SCFD2: variants seen among roughly 807,000 people sequenced by gnomAD.
The protein encoded by SCFD2 is sec1 family domain-containing protein 2.
A neutral mutation model predicts 58.9 loss-of-function variants in SCFD2; 54 were observed. The observed-to-expected ratio is 0.92, with a 90% CI of 0.74 to 1.15. The LOEUF (loss-of-function observed/expected upper bound fraction) is 1.15, where lower values mean the gene tolerates loss of function less well. Among genes scored for constraint, SCFD2 ranks in the 50% most tolerant of loss-of-function variants. The pLI is 0.00. For missense variants in SCFD2, 805 were observed against 836.6 expected, an observed-to-expected ratio of 0.96 and a Z score of 0.47; for synonymous variants, 321 against 335.9, an observed-to-expected ratio of 0.96 and a Z score of 0.49.
intron 3 of SCFD2, among the ~76,000 whole-genome samples, chr4:53,295,053 A>G (rs986101462): frequency 6.6e-6 from 1 of 152,184 alleles, no homozygotes; most frequent in African/African-American, 2.4e-5. Flanking sequence ...CCTGTAGTAT[A>G]GTTTGAAGTC....
chr4:53,101,021 C>T (rs1302027211), intron 5 of SCFD2, among the ~76,000 whole-genome samples: 5 of 152,128 alleles, frequency 3.3e-5, no homozygotes, highest in East Asian at 3.9e-4. Context: ...ACTTCAAATG[C>T]GTCGATGGAG....
intron 5 of SCFD2, among the ~76,000 whole-genome samples, chr4:53,005,108 G>A (rs1244904804): frequency 2.0e-5 from 3 of 152,202 alleles, no homozygotes; most frequent in Admixed American, 1.3e-4. Flanking sequence ...ATGTTAGCCA[G>A]GCTGGTCTCG....
At chr4:52,882,471 G>A (rs1718640731) in intron 8 of SCFD2, among the ~76,000 whole-genome samples, 1 of 152,180 alleles carries the variant, frequency 6.6e-6, no homozygotes, top group African/African-American at 2.4e-5. Context: ...TTGTTCCTGG[G>A]TATGTCTGTG....
intron 5 of SCFD2, among the ~76,000 whole-genome samples, chr4:53,072,638 T>C (rs900751431): frequency 2.0e-5 from 3 of 152,092 alleles, no homozygotes; most frequent in African/African-American, 7.2e-5. Context: ...AACTAGTTTT[T>C]TGTGCCCTAT....
At chr4:53,193,488 A>G (rs1158405275) in intron 4 of SCFD2, among the ~76,000 whole-genome samples, 1 of 152,200 alleles carries the variant, frequency 6.6e-6, no homozygotes, top group Non-Finnish European at 1.5e-5. Flanking sequence ...GTAATTTGCT[A>G]TTGAAAATTA....
At chr4:53,290,166 G>T (rs1409084893) in intron 3 of SCFD2, among the ~76,000 whole-genome samples, 1 of 152,062 alleles carries the variant, frequency 6.6e-6, no homozygotes, top group Non-Finnish European at 1.5e-5. Flanking sequence ...AACAGCAACA[G>T]AATAATATTC....
intron 4 of SCFD2, among the ~76,000 whole-genome samples, chr4:53,254,071 AAC>A (rs1283769682): frequency 1.3e-5 from 2 of 152,120 alleles, no homozygotes; most frequent in African/African-American, 2.4e-5. Context: ...AGAGGGGAAC[AAC>A]ACACACTGGG....
intron 5 of SCFD2, among the ~76,000 whole-genome samples, chr4:53,143,791 A>AACACACAC (rs1553880497): frequency 1.7e-5 from 1 of 57,442 alleles, no homozygotes; most frequent in South Asian, 9.3e-4. Context: ...CATACACCTA[A>AACACACAC]ACATACACAC....
intron 3 of SCFD2, among the ~76,000 whole-genome samples, chr4:53,293,954 C>T (rs1037181657): frequency 1.3e-5 from 2 of 150,220 alleles, no homozygotes; most frequent in Non-Finnish European, 3.0e-5. Flanking sequence ...TTGTTCAACT[C>T]CGACTTATGA....
At chr4:52,978,921 T>C (rs1484779520) in intron 5 of SCFD2, among the ~76,000 whole-genome samples, 1 of 152,090 alleles carries the variant, frequency 6.6e-6, no homozygotes, top group South Asian at 2.1e-4. Context: ...CCTGTTGGAC[T>C]GGGTTTGTTA....
intron 3 of SCFD2, among the ~76,000 whole-genome samples, chr4:53,312,539 C>T (rs1389432848): frequency 9.9e-5 from 15 of 152,188 alleles, no homozygotes; most frequent in Non-Finnish European, 1.5e-5. Flanking sequence ...AGTTATTTCA[C>T]TTTTCTTATC....
At chr4:53,149,511 T>A (rs1726443986) in intron 4 of SCFD2, among the ~76,000 whole-genome samples, 1 of 152,220 alleles carries the variant, frequency 6.6e-6, no homozygotes, top group Non-Finnish European at 1.5e-5. Context: ...AGACAAATCT[T>A]CCTTAAGGAA....
At chr4:53,097,691 A>C (rs1449225886) in intron 5 of SCFD2, among the ~76,000 whole-genome samples, 1 of 152,152 alleles carries the variant, frequency 6.6e-6, no homozygotes, top group Non-Finnish European at 1.5e-5. Context: ...TCTATTCCTA[A>C]TTGAATACAC....
chr4:53,107,531 T>C (rs770592730), intron 5 of SCFD2, among the ~76,000 whole-genome samples: 9 of 151,706 alleles, frequency 5.9e-5, no homozygotes, highest in Non-Finnish European at 1.3e-4. Flanking sequence ...GATGGAGGGA[T>C]ATTTAACAAA....
chr4:52,878,314 A>G (rs540882771), intron 8 of SCFD2, among the ~76,000 whole-genome samples: 1 of 152,336 alleles, frequency 6.6e-6, no homozygotes, highest in African/African-American at 2.4e-5. Flanking sequence ...GTTTTCACTC[A>G]GGGCAGCTCT....
At chr4:53,193,169 C>G (rs1727963067) in intron 4 of SCFD2, among the ~76,000 whole-genome samples, 1 of 152,046 alleles carries the variant, frequency 6.6e-6, no homozygotes, top group Non-Finnish European at 1.5e-5. Flanking sequence ...CAAGTCTATC[C>G]AGGAATGACA....
At chr4:52,894,109 T>A (rs987368742) in intron 7 of SCFD2, among the ~76,000 whole-genome samples, 1 of 152,220 alleles carries the variant, frequency 6.6e-6, no homozygotes, top group African/African-American at 2.4e-5. Context: ...CTTAAGGCAA[T>A]GGGGGACTCA....
intron 4 of SCFD2, among the ~76,000 whole-genome samples, chr4:53,250,540 C>CT (rs1176925237): frequency 5.9e-5 from 9 of 152,176 alleles, no homozygotes; most frequent in Non-Finnish European, 1.0e-4. Flanking sequence ...TTATAACAAA[C>CT]TGTCTCTCAG....
intron 2 of SCFD2, among the ~76,000 whole-genome samples, chr4:53,343,452 C>G (rs1170690599): frequency 1.3e-5 from 2 of 152,096 alleles, no homozygotes; most frequent in East Asian, 3.9e-4. Context: ...GAAATTGAGG[C>G]AATAATTAAT....
Sources: allele counts gnomAD v4.1 joint callset (sites outside exome capture counted in the v4.1 genomes callset), GRCh38; gene constraint gnomAD v4.1.1; transcripts MANE v1.5; gene names NCBI Gene and HGNC (gene_info 2026-07-23, HGNC 2026-07-21).